Variants in ALAS1 observed in about 807,000 individuals in gnomAD.
ALAS1 encodes 5-aminolevulinate synthase, non-specific, mitochondrial.
In ALAS1, 29 loss-of-function variants were observed where a neutral mutation model predicts 59.6. That is an observed-to-expected ratio of 0.49 (90% CI 0.36 to 0.66). The LOEUF is 0.66. Among genes scored for constraint, ALAS1 ranks in the 30% least tolerant of loss-of-function variants. ALAS1 has a pLI of 0.00. For synonymous variants in ALAS1, 299 were observed against 296.6 expected (o/e 1.01, Z -0.08); for missense variants, 690 against 807.5 (o/e 0.85, Z 1.76).
chr3:52,213,914 A>G, intron 11 of ALAS1, 106 bp from the exon 12 acceptor site: 3 of 1,038,692 alleles, frequency 2.9e-6, no homozygotes, highest in Non-Finnish European at 2.8e-6. Flanking sequence ...ACTATTATGA[A>G]TAATGCTGCT....
chr3:52,199,540 C>A, intron 3 of ALAS1, 100 bp downstream of exon 3: 1 of 1,133,112 alleles, frequency 8.8e-7, no homozygotes, highest in Non-Finnish European at 1.3e-6. Context: ...CACTCACTCA[C>A]AGAGGGCTGC....
At chr3:52,202,903 G>A (rs1037185972) in intron 4 of ALAS1, among the ~76,000 whole-genome samples, 169 bp downstream of exon 4, 1 of 152,196 alleles carries the variant, frequency 6.6e-6, no homozygotes, top group Non-Finnish European at 1.5e-5. Context: ...GGACTGTATT[G>A]CGAAAGTGGG....
intron 5 of ALAS1, among the ~76,000 whole-genome samples, chr3:52,204,225 GTT>G (rs1413800746): frequency 6.6e-6 from 1 of 152,036 alleles, no homozygotes; most frequent in Non-Finnish European, 1.5e-5. Flanking sequence ...TACCAAAACA[GTT>G]TTTTTAATTA....
intron 4 of ALAS1, 136 bp from the exon 5 acceptor site, chr3:52,203,727 G>A (rs924626997): frequency 2.1e-6 from 2 of 944,866 alleles, no homozygotes; most frequent in Admixed American, 5.8e-5. Flanking sequence ...TGTACACTCA[G>A]TTATAACTAA....
chr3:52,199,463 G>A (rs150267006), intron 3 of ALAS1, 23 bp downstream of exon 3: 36 of 1,606,464 alleles, frequency 2.2e-5, no homozygotes, highest in South Asian at 1.2e-4. Context: ...GACAATGAAG[G>A]AGCAGGTATG....
In ALAS1 at chr3:52,211,204, A is replaced by C. The variant is rs1178290467; in HGVS notation, c.1331-79A>C. 2.6e-6 allele frequency: 4 copies of C among 1,515,972 alleles called. No homozygotes were observed. The East Asian group carries it at 9.1e-5, about 34-fold the overall frequency. 93.9% of individuals were successfully genotyped at this position (1,515,972 alleles called of 1,614,324 possible). On this transcript the variant is annotated intron_variant, in intron 9 of 11. Transcript: ENST00000484952. ...GATAAGGAGAAAAGTCAGTGCTTTG[A>C]GGCTCCACAACACCTTGCTGTGTCC...
rs550732223 is a variant in ALAS1, at chr3:52,204,136, T to C, written c.577+124T>C. On this transcript the variant is annotated intron_variant, in intron 5 of 11. Coordinates refer to ENST00000484952, the MANE Select transcript of ALAS1 (RefSeq NM_000688.6). ...GCTCATACCTGTAATCCCAGCACTT[T>C]GGGAGGCTGAAGCGGGAGAAGATCA... is the stretch of plus-strand genomic sequence containing the variant. The C allele has an allele frequency of 8.1e-5, 83 of 1,024,028 alleles. No individual in the cohort carries two copies. The Middle Eastern group carries it at 1.3e-3, about 16-fold the overall frequency. 63.4% of individuals were successfully genotyped at this position (1,024,028 alleles called of 1,614,324 possible).
At chr3:52,206,888 G>A in intron 8 of ALAS1, 137 bp downstream of exon 8, 1 of 929,304 alleles carries the variant, frequency 1.1e-6, no homozygotes, top group Non-Finnish European at 1.6e-6. Flanking sequence ...AGGCAGGAGT[G>A]CAGTGGTGCG....
In ALAS1 at chr3:52,204,910, A is replaced by C; in HGVS notation, c.795A>C (p.Ala265=). 1.9e-6 allele frequency: 3 copies of C among 1,612,790 alleles called. No homozygotes were observed. The highest frequency in any genetic ancestry group is 2.5e-6 in the Non-Finnish European group (3 of 1,178,886). The change falls in exon 6 of 12, where the codon GCA becomes GCC. Residue 265 remains alanine, a synonymous_variant. Transcript: ENST00000484952. The stretch of plus-strand genomic sequence containing the variant: ...GTCGCCACCCACGGGTGTGTGGGGC[A>C]GTTATGTAAGTAGCCCTTGGCTTTC... ...GMSRHPRVCG[A]VMDTLKQHGA... is the part of the protein sequence containing the mutation.
At chr3:52,200,323 T>C (rs1256673535) in intron 3 of ALAS1, among the ~76,000 whole-genome samples, 1 of 152,222 alleles carries the variant, frequency 6.6e-6, no homozygotes, top group East Asian at 1.9e-4. Context: ...ACAGTAACTC[T>C]CCATTCCTCT....
Position 52,202,689 on chromosome 3 carries a change from C to G in ALAS1, c.382C>G (p.Leu128Val). 1.2e-6 allele frequency: 2 copies of G among 1,614,154 alleles called. No homozygotes were observed. The highest frequency in any genetic ancestry group is 1.7e-6 in the Non-Finnish European group (2 of 1,180,030). Residue 128 changes from leucine (L) to valine (V), a missense_variant, in exon 4 of 12, where the codon CTT (leucine) becomes GTT (valine). Transcript: ENST00000484952. ...RGSSVFCKAS[L>V]ELQEDVQEMN... ...CAGCAGTGTCTTCTGCAAAGCCAGT[C>G]TTGAGCTTCAGGAGGATGTGCAGGA... is the stretch of plus-strand genomic sequence containing the variant.
chr3:52,208,906 A>G (rs1334061704), intron 9 of ALAS1, among the ~76,000 whole-genome samples: 1 of 152,250 alleles, frequency 6.6e-6, no homozygotes, highest in African/African-American at 2.4e-5. Context: ...CTGAGAACCT[A>G]TGAGAACCCT....
At chr3:52,207,758 C>T (rs923947034) in intron 8 of ALAS1, among the ~76,000 whole-genome samples, 1 of 152,154 alleles carries the variant, frequency 6.6e-6, no homozygotes, top group Non-Finnish European at 1.5e-5. Context: ...TGTATTAATT[C>T]ACTTAGGATG....
chr3:52,202,379 G>T, intron 3 of ALAS1, 128 bp from the exon 4 acceptor site: 1 of 759,616 alleles, frequency 1.3e-6, no homozygotes, highest in Non-Finnish European at 2.2e-6. Flanking sequence ...AAAAACACTT[G>T]TGTCTGGATG....
chr3:52,208,122 A>G lies in ALAS1; in HGVS notation c.1205A>G (p.His402Arg), dbSNP rs772610145. Residue 402 changes from histidine to arginine, a missense_variant, in exon 9 of 12, where the codon CAT (histidine) becomes CGT (arginine). Physicochemically the swap from His to Arg is conservative, Grantham distance 29. Coordinates refer to ENST00000484952, the MANE Select transcript of ALAS1 (RefSeq NM_000688.6). ...CPLEELCDVA[H>R]EFGAITFVDE... Reference sequence around the variant, plus strand: ...CTGGAAGAGCTGTGTGATGTGGCCCATGAGTTTGGAGCAATCACCTTCGTG... The same window carrying G: ...CTGGAAGAGCTGTGTGATGTGGCCCGTGAGTTTGGAGCAATCACCTTCGTG... 1.2e-6 allele frequency: 2 copies of G among 1,607,638 alleles called. No homozygotes were observed. Among genetic ancestry groups the G allele is most frequent in the Non-Finnish European group, 1.7e-6 (2 of 1,176,554 alleles).
Position 52,209,063 on chromosome 3 carries a change from C to T in ALAS1, c.1330+816C>T, listed in dbSNP as rs2107277805. ...TAGCCTATGCTTGGTAAAGGAAGGG[C>T]AGGCTTTTTAAAAAGCGTCCTTCAG... On this transcript the variant is annotated intron_variant, in intron 9 of 11. Transcript: ENST00000484952. Among the ~76,000 whole-genome samples the T allele has an allele frequency of 2.0e-5, 3 of 152,298 alleles. No homozygotes were observed. In the South Asian group the frequency reaches 6.2e-4, roughly 32 times the overall value.
rs528420052 is a variant in ALAS1, at chr3:52,203,434, A to G, written c.428-429A>G. ...CGCATGCCTATAGTCCCATCTTCTC[A>G]GGAGGTTGAGGAGGGAGGATCGCTT... On this transcript the variant is annotated intron_variant, in intron 4 of 11. Transcript: ENST00000484952. Among the ~76,000 whole-genome samples the G allele has an allele frequency of 2.0e-5, 3 of 152,214 alleles. No homozygotes were observed. The East Asian group carries it at 5.8e-4, about 29-fold the overall frequency.
chr3:52,209,815 G>A (rs983937728), intron 9 of ALAS1, among the ~76,000 whole-genome samples: 1 of 152,060 alleles, frequency 6.6e-6, no homozygotes, highest in South Asian at 2.1e-4. Context: ...GAATAACTGA[G>A]ACTACAGGTG....
chr3:52,213,956 C>A, intron 11 of ALAS1, 64 bp from the exon 12 acceptor site: 1 of 1,442,892 alleles, frequency 6.9e-7, no homozygotes, highest in Non-Finnish European at 9.5e-7. Context: ...TTTGTGTGGA[C>A]ATATGTTTTC....
Sources: allele counts gnomAD v4.1 joint callset (sites outside exome capture counted in the v4.1 genomes callset), GRCh38; gene constraint gnomAD v4.1.1; transcripts MANE v1.5; gene names NCBI Gene and HGNC (gene_info 2026-07-23, HGNC 2026-07-21).